Variants in XRCC6 observed in about 807,000 individuals in gnomAD.
XRCC6 encodes the protein DNA repair protein Ku70.
XRCC6 carries 5 observed loss-of-function variants against 65.7 expected under a neutral mutation model. The ratio of observed to expected loss-of-function variants is 0.08; its 90% CI spans 0.04 to 0.16. The LOEUF is 0.16. Among genes scored for constraint, XRCC6 ranks in the 10% least tolerant of loss-of-function variants. The probability of loss-of-function intolerance (pLI) is 1.00; values close to 1 mark genes in which losing one functional copy is unlikely to be tolerated. For synonymous variants in XRCC6, 270 were observed against 270.6 expected (o/e 1.00, Z 0.02); for missense variants, 447 against 738.1 (o/e 0.61, Z 4.57).
chr22:41,649,198 C>A (rs1601549062), intron 7 of XRCC6, among the ~76,000 whole-genome samples: 1 of 142,588 alleles, frequency 7.0e-6, no homozygotes, highest in African/African-American at 2.6e-5. Context: ...ATATCTCTCT[C>A]CAAACAATAC....
intron 3 of XRCC6, among the ~76,000 whole-genome samples, chr22:41,635,659 C>T (rs2067801632): frequency 6.6e-6 from 1 of 152,008 alleles, no homozygotes; most frequent in African/African-American, 2.4e-5. Flanking sequence ...TTCACCTCTG[C>T]TTCCCAAGTA....
At chr22:41,657,063 C>A in intron 10 of XRCC6, 31 bp downstream of exon 10, 1 of 1,535,332 alleles carries the variant, frequency 6.5e-7, no homozygotes, top group South Asian at 1.3e-5. Flanking sequence ...CTGGAACTGC[C>A]TCCTGAGTTG....
At chr22:41,624,756 GA>G (rs1349897295) in intron 2 of XRCC6, among the ~76,000 whole-genome samples, 1 of 150,894 alleles carries the variant, frequency 6.6e-6, no homozygotes, top group Non-Finnish European at 1.5e-5. Context: ...CCAGCACTTT[GA>G]GAGGCCGAGG....
intron 2 of XRCC6, among the ~76,000 whole-genome samples, chr22:41,623,731 T>A (rs946377995): frequency 1.3e-5 from 2 of 150,714 alleles, no homozygotes; most frequent in African/African-American, 4.9e-5. Context: ...TACATTTATT[T>A]ATTTATTGAG....
At chr22:41,630,018 T>G (rs570345086) in intron 3 of XRCC6, among the ~76,000 whole-genome samples, 61 of 141,830 alleles carry the variant, frequency 4.3e-4, no homozygotes, top group Admixed American at 1.1e-3. Context: ...GGAGTCTCGC[T>G]CTGTCACCAG....
At chr22:41,632,330 G>A (rs943314615) in intron 3 of XRCC6, among the ~76,000 whole-genome samples, 11 of 152,140 alleles carry the variant, frequency 7.2e-5, no homozygotes, top group African/African-American at 2.4e-4. Context: ...TTCTTGGTAG[G>A]CAGGGTGTGG....
intron 3 of XRCC6, among the ~76,000 whole-genome samples, chr22:41,630,199 G>A (rs991438047): frequency 6.6e-6 from 1 of 151,428 alleles, no homozygotes; most frequent in Admixed American, 6.6e-5. Flanking sequence ...GGCCAGGATG[G>A]TCTTGGACCC....
At chr22:41,655,698 CAAA>C (rs132782) in intron 9 of XRCC6, among the ~76,000 whole-genome samples, 1 of 108,558 alleles carries the variant, frequency 9.2e-6, no homozygotes, top group East Asian at 2.4e-4. Flanking sequence ...GACTCTGTCT[CAAA>C]AAAAAAAAAA....
intron 7 of XRCC6, among the ~76,000 whole-genome samples, chr22:41,649,156 A>ATATG (rs1555906716): frequency 7.7e-6 from 1 of 129,378 alleles, no homozygotes; most frequent in Non-Finnish European, 1.5e-5. Flanking sequence ...ATATATATAT[A>ATATG]TATATATGTA....
intron 8 of XRCC6, 91 bp from the exon 9 acceptor site, chr22:41,653,438 T>C (rs1427215881): frequency 3.2e-6 from 4 of 1,260,056 alleles, no homozygotes; most frequent in Non-Finnish European, 4.4e-6. Flanking sequence ...ATAAGCCCTT[T>C]AAAGAAAATG....
intron 6 of XRCC6, among the ~76,000 whole-genome samples, chr22:41,643,591 C>T (rs917889311): frequency 6.6e-5 from 10 of 152,056 alleles, no homozygotes; most frequent in Non-Finnish European, 5.9e-5. Context: ...GAGGCCGAGA[C>T]GGGTGGATCA....
At chr22:41,651,982 C>T (rs921945457) in intron 8 of XRCC6, among the ~76,000 whole-genome samples, 1 of 152,056 alleles carries the variant, frequency 6.6e-6, no homozygotes, top group Non-Finnish European at 1.5e-5. Flanking sequence ...TGGGGTTTCA[C>T]CATGTTGGCC....
chr22:41,621,415 G>A lies in XRCC6; in HGVS notation c.-16+70G>A, dbSNP rs547477779. The A allele has an allele frequency of 8.0e-5, 13 of 163,160 alleles. No homozygotes were observed. The South Asian group carries it at 1.9e-3, about 23-fold the overall frequency. The allele number at this position is 163,160 out of a possible 1,614,324, so 10.1% of individuals were successfully genotyped here. On this transcript the variant is annotated intron_variant, in intron 1 of 12. Transcript: ENST00000360079. ...GGCCTCGTCCCGCTTCGCTCGGTCG[G>A]TCTCGCGCGCCCCCATAGCCTTGCT...
intron 2 of XRCC6, among the ~76,000 whole-genome samples, chr22:41,624,814 G>A (rs1480042587): frequency 3.3e-5 from 5 of 149,576 alleles, no homozygotes; most frequent in African/African-American, 1.2e-4. Context: ...TGGCAAACAC[G>A]GTGAAACCCT....
chr22:41,660,330 A>G (rs1019222845), intron 11 of XRCC6, among the ~76,000 whole-genome samples: 1 of 152,164 alleles, frequency 6.6e-6, no homozygotes, highest in Non-Finnish European at 1.5e-5. Context: ...TCAGCCAGTC[A>G]TCTCCCCATC....
rs770700400 is a variant in XRCC6, at chr22:41,653,584, A to C, written c.1185A>C (p.Ala395=). ...TCAAGTGTCTGGAGAAGGAGGTTGC[A>C]GCATTGTGCAGATACACACCCCGCA... ...LLIKCLEKEV[A]ALCRYTPRRN... Residue 395 remains alanine (A), a synonymous_variant, in exon 9 of 13, where the codon GCA becomes GCC. Transcript: ENST00000360079. 11 of 1,613,942 alleles carry C rather than the reference A, an allele frequency of 6.8e-6. No homozygotes were observed. The highest frequency in any genetic ancestry group is 9.3e-6 in the Non-Finnish European group (11 of 1,179,958).
intron 11 of XRCC6, among the ~76,000 whole-genome samples, chr22:41,660,988 C>T (rs55896066): frequency 0.07 from 10,509 of 151,064 alleles, 1,184 homozygotes; most frequent in African/African-American, 0.24. Context: ...GAGCCAAGAT[C>T]GCGCCACTGC....
chr22:41,635,202 A>C (rs1466410547), intron 3 of XRCC6, among the ~76,000 whole-genome samples: 2 of 152,218 alleles, frequency 1.3e-5, no homozygotes, highest in African/African-American at 4.8e-5. Context: ...ATAGTACCTA[A>C]TACAATGCCT....
intron 7 of XRCC6, among the ~76,000 whole-genome samples, chr22:41,649,968 G>C (rs971909818): frequency 6.6e-6 from 1 of 152,250 alleles, no homozygotes; most frequent in Admixed American, 6.5e-5. Context: ...GGAGGTTGCC[G>C]TGAGTCGAGA....
Sources: allele counts gnomAD v4.1 joint callset (sites outside exome capture counted in the v4.1 genomes callset), GRCh38; gene constraint gnomAD v4.1.1; transcripts MANE v1.5; gene names NCBI Gene and HGNC (gene_info 2026-07-23, HGNC 2026-07-21).